TMEM52B: variants seen among roughly 807,000 people sequenced by gnomAD.
TMEM52B encodes the protein chromosome 12 open reading frame 59.
A neutral mutation model predicts 16.1 loss-of-function variants in TMEM52B; 11 were observed. That is an observed-to-expected ratio of 0.68 (90% CI 0.43 to 1.13). TMEM52B has a LOEUF of 1.13. TMEM52B is among the 50% of genes most tolerant of loss of function. The pLI, the probability that TMEM52B is intolerant of heterozygous loss-of-function variation, is 0.00. For synonymous variants in TMEM52B, 101 were observed against 93.8 expected, an observed-to-expected ratio of 1.08 and a Z score of -0.45; for missense variants, 243 against 230.4, an observed-to-expected ratio of 1.05 and a Z score of -0.35.
chr12:10,180,254 A>G (rs1210591881), intron 1 of TMEM52B, among the ~76,000 whole-genome samples: 1 of 150,384 alleles, frequency 6.6e-6, no homozygotes, highest in Non-Finnish European at 1.5e-5. Flanking sequence ...TGGCCCCCGT[A>G]CAGAGTGGGC....
rs1341435100 is a variant in TMEM52B at position 10,179,565 on chromosome 12, A to G, written c.-10A>G. ...AGTGCAAGATTCTGAAGAAGCAGGA[A>G]TTCAGCCCGATGGGAGTCCGAGTTC... On this transcript the variant is annotated 5_prime_UTR_variant, in exon 1 of 5. Transcript: ENST00000543484. 2.5e-6 allele frequency: 4 copies of G among 1,614,058 alleles called. No homozygotes were observed. In the African/African-American group the frequency reaches 5.3e-5, roughly 22 times the overall value.
intron 1 of TMEM52B, chr12:10,172,070 A>G: frequency 6.2e-7 from 1 of 1,613,426 alleles, no homozygotes; most frequent in Non-Finnish European, 8.5e-7. Context: ...TAGGTCATCA[A>G]AAGTCATTTC....
chr12:10,184,193 T>G (rs1051188967), intron 2 of TMEM52B, among the ~76,000 whole-genome samples: 2 of 152,194 alleles, frequency 1.3e-5, no homozygotes, highest in Admixed American at 1.3e-4. Context: ...GGTGGTGCAC[T>G]CGGAAGACCT....
At chr12:10,183,443 G>A (rs1948845420) in intron 2 of TMEM52B, among the ~76,000 whole-genome samples, 1 of 151,412 alleles carries the variant, frequency 6.6e-6, no homozygotes, top group Admixed American at 6.6e-5. Context: ...GGAAAACCAA[G>A]AGGAGTCATT....
intron 4 of TMEM52B, among the ~76,000 whole-genome samples, chr12:10,188,230 C>T (rs1035819195): frequency 2.0e-5 from 3 of 151,682 alleles, no homozygotes; most frequent in Non-Finnish European, 2.9e-5. Context: ...CAGTCCAAGG[C>T]GGGCAGATCA....
intron 4 of TMEM52B, among the ~76,000 whole-genome samples, chr12:10,188,995 C>T (rs1466454893): frequency 4.1e-5 from 5 of 120,880 alleles, no homozygotes; most frequent in Non-Finnish European, 3.2e-5. Context: ...CCAGCCTGGG[C>T]GACAGAGCGA....
rs561130818 is a variant in TMEM52B at position 10,190,533 on chromosome 12, T to C, written c.*393T>C. ...TAACTGGAAAAGAAAGACAACAGTG[T>C]CAGCACAGCCATCGACATTAATGCA... On this transcript the variant is annotated 3_prime_UTR_variant, in exon 5 of 5. Coordinates refer to ENST00000543484, the MANE Select transcript of TMEM52B (RefSeq NM_001384896.1). The C allele has an allele frequency of 2.7e-4, 62 of 229,700 alleles. No individual in the cohort carries two copies. Among genetic ancestry groups the C allele is most frequent in the African/African-American group, 1.3e-3 (60 of 44,856 alleles). The allele number at this position is 229,700 out of a possible 1,614,324, so 14.2% of individuals were successfully genotyped here.
At chr12:10,187,121 G>A (rs1254203071) in intron 4 of TMEM52B, among the ~76,000 whole-genome samples, 1 of 3,304 alleles carries the variant, frequency 3.0e-4, no homozygotes, top group African/African-American at 1.1e-3. Flanking sequence ...TTTTTTTTTT[G>A]AGATGGAGTC....
rs1948937687 is a variant in TMEM52B at position 10,189,955 on chromosome 12, A to G, written c.367A>G (p.Ser123Gly). 1.9e-6 allele frequency: 3 copies of G among 1,614,162 alleles called. No individual in the cohort carries two copies. Among genetic ancestry groups the G allele is most frequent in the Middle Eastern group, 3.3e-4 (2 of 6,050 alleles). ...RRILAVAHSH[S>G]SLGQLPSSLD... ...GATCCTGGCTGTGGCTCACTCCCAC[A>G]GCTCCCTGGGCCAGCTGCCCTCCTC... Residue 123 changes from serine (S) to glycine (G), a missense_variant, in exon 5 of 5, where the codon AGC (serine) becomes GGC (glycine). Coordinates refer to ENST00000543484, the MANE Select transcript of TMEM52B (RefSeq NM_001384896.1).
At chr12:10,182,233 C>T (rs938848713) in intron 1 of TMEM52B, 6 of 984,902 alleles carry the variant, frequency 6.1e-6, no homozygotes, top group Non-Finnish European at 7.2e-6. Context: ...GGCAATATCC[C>T]AAGGGACAGA....
intron 4 of TMEM52B, among the ~76,000 whole-genome samples, chr12:10,188,727 C>A (rs1282719296): frequency 1.3e-5 from 2 of 151,428 alleles, no homozygotes; most frequent in African/African-American, 4.9e-5. Flanking sequence ...ATTAGCCAGG[C>A]ACTTTTGTTG....
chr12:10,171,999 T>C (rs753085019), intron 1 of TMEM52B: 3 of 1,610,084 alleles, frequency 1.9e-6, no homozygotes, highest in Non-Finnish European at 2.6e-6. Context: ...CCATCCCTAG[T>C]ACCTTTAGCT....
chr12:10,181,399 G>A (rs376425626), intron 1 of TMEM52B, among the ~76,000 whole-genome samples: 9 of 151,752 alleles, frequency 5.9e-5, no homozygotes, highest in East Asian at 2.0e-4. Flanking sequence ...GCATGATCTC[G>A]GCTCACTGCA....
At chr12:10,184,177 C>T (rs956782473) in intron 2 of TMEM52B, among the ~76,000 whole-genome samples, 1 of 152,220 alleles carries the variant, frequency 6.6e-6, no homozygotes, top group African/African-American at 2.4e-5. Flanking sequence ...GCAGTGGTTT[C>T]TGAAGGGTGG....
intron 4 of TMEM52B, among the ~76,000 whole-genome samples, chr12:10,189,255 G>A (rs1453468661): frequency 6.6e-6 from 1 of 151,210 alleles, no homozygotes; most frequent in African/African-American, 2.4e-5. Context: ...ATCCTAAGGA[G>A]TCTATAGTAT....
chr12:10,171,984 T>C lies in TMEM52B; in HGVS notation c.-95+1133T>C, dbSNP rs765417458. ...CACTGGGATTCTTTCCCTGTACACA[T>C]TTTCCCATCCCTAGTACCTTTAGCT... On this transcript the variant is annotated intron_variant, in intron 1 of 5. Coordinates refer to the TMEM52B transcript ENST00000381923. 11 of 1,590,568 alleles carry C rather than the reference T, an allele frequency of 6.9e-6. No individual in the cohort carries two copies. The East Asian group carries it at 2.5e-4, about 36-fold the overall frequency.
chr12:10,182,046 A>C (rs1948831254), intron 1 of TMEM52B: 7 of 579,768 alleles, frequency 1.2e-5, no homozygotes, highest in African/African-American at 7.6e-5. Flanking sequence ...AAAAACAAAA[A>C]AAAAAAACTT....
chr12:10,188,414 G>A (rs767334671), intron 4 of TMEM52B, among the ~76,000 whole-genome samples: 7 of 151,450 alleles, frequency 4.6e-5, no homozygotes, highest in Non-Finnish European at 1.0e-4. Flanking sequence ...AGCCGAGATG[G>A]CGCCACTTCA....
At chr12:10,172,168 G>C (rs1191191221) in intron 1 of TMEM52B, 1 of 823,370 alleles carries the variant, frequency 1.2e-6, no homozygotes, top group Non-Finnish European at 2.1e-6. Context: ...TATTTAAATA[G>C]CTACTGTTAT....
Sources: allele counts gnomAD v4.1 joint callset (sites outside exome capture counted in the v4.1 genomes callset), GRCh38; gene constraint gnomAD v4.1.1; transcripts MANE v1.5; gene names NCBI Gene and HGNC (gene_info 2026-07-23, HGNC 2026-07-21).